Variants in WDR70 observed in about 807,000 individuals in gnomAD.
The protein encoded by WDR70 is WD repeat domain 70.
WDR70 carries 53 observed loss-of-function variants against 88.6 expected under a neutral mutation model. The ratio of observed to expected loss-of-function variants is 0.60; its 90% CI spans 0.48 to 0.75. WDR70 has a LOEUF of 0.75. Ranked by LOEUF, WDR70 falls within the 30% of genes least tolerant of loss-of-function variation. WDR70 has a pLI of 0.00. For synonymous variants in WDR70, 280 were observed against 270.0 expected (o/e 1.04, Z -0.36); for missense variants, 610 against 823.2 (o/e 0.74, Z 3.17).
intron 10 of WDR70, among the ~76,000 whole-genome samples, chr5:37,693,810 A>G (rs147775106): frequency 0.011 from 1,665 of 152,334 alleles, 16 homozygotes; most frequent in Non-Finnish European, 0.018. Flanking sequence ...GGACTTCATG[A>G]CTAAAACACC....
At chr5:37,739,722 G>T (rs1406783753) in intron 17 of WDR70, among the ~76,000 whole-genome samples, 2 of 152,048 alleles carry the variant, frequency 1.3e-5, no homozygotes, top group African/African-American at 4.8e-5. Flanking sequence ...GTATACACGT[G>T]CCATGGTGGT....
At chr5:37,465,551 T>G (rs1234478584) in intron 7 of WDR70, among the ~76,000 whole-genome samples, 1 of 152,130 alleles carries the variant, frequency 6.6e-6, no homozygotes, top group Non-Finnish European at 1.5e-5. Context: ...GTATCTGATT[T>G]GGATTTAGGA....
At chr5:37,604,382 T>C (rs4279359) in intron 9 of WDR70, among the ~76,000 whole-genome samples, 1 of 152,234 alleles carries the variant, frequency 6.6e-6, no homozygotes, top group African/African-American at 2.4e-5. Flanking sequence ...TACCTCATCT[T>C]TGTTTTTCTG....
chr5:37,424,435 T>G (rs1234566344), intron 5 of WDR70, among the ~76,000 whole-genome samples: 1 of 151,528 alleles, frequency 6.6e-6, no homozygotes, highest in Non-Finnish European at 1.5e-5. Context: ...GACAGGGTCT[T>G]GCTCTGTTGC....
intron 5 of WDR70, among the ~76,000 whole-genome samples, chr5:37,435,901 T>G (rs1256176341): frequency 2.0e-5 from 3 of 152,118 alleles, no homozygotes; most frequent in Non-Finnish European, 4.4e-5. Flanking sequence ...TACCAGCTTT[T>G]TGGTGCATAG....
At chr5:37,484,797 G>A (rs1167208761) in intron 8 of WDR70, among the ~76,000 whole-genome samples, 4 of 152,170 alleles carry the variant, frequency 2.6e-5, no homozygotes, top group Non-Finnish European at 4.4e-5. Context: ...TATGTTTTCT[G>A]TGTGTTTGTT....
At chr5:37,532,552 C>A (rs1326049564) in intron 9 of WDR70, among the ~76,000 whole-genome samples, 1 of 151,966 alleles carries the variant, frequency 6.6e-6, no homozygotes, top group Non-Finnish European at 1.5e-5. Context: ...AGTTCTATTG[C>A]TGAGACTTTC....
At chr5:37,663,907 A>G (rs1745768874) in intron 10 of WDR70, among the ~76,000 whole-genome samples, 1 of 152,102 alleles carries the variant, frequency 6.6e-6, no homozygotes, top group Non-Finnish European at 1.5e-5. Flanking sequence ...ACTGGCTCCT[A>G]GAAAATATGC....
At chr5:37,722,967 C>G in intron 15 of WDR70, 33 bp downstream of exon 15, 3 of 1,605,420 alleles carry the variant, frequency 1.9e-6, no homozygotes, top group Non-Finnish European at 2.6e-6. Flanking sequence ...AATCATGCAT[C>G]TCTCTTCTAC....
intron 10 of WDR70, among the ~76,000 whole-genome samples, chr5:37,693,402 A>G (rs1341073990): frequency 6.6e-6 from 1 of 152,226 alleles, no homozygotes; most frequent in Non-Finnish European, 1.5e-5. Flanking sequence ...CGCATTGCCA[A>G]CACAATCCTA....
chr5:37,508,118 C>A (rs534893346), intron 8 of WDR70, among the ~76,000 whole-genome samples: 1 of 152,048 alleles, frequency 6.6e-6, no homozygotes, highest in East Asian at 1.9e-4. Flanking sequence ...GTTTTTTGTA[C>A]GTACCTATTA....
At chr5:37,677,684 G>T (rs1004411545) in intron 10 of WDR70, among the ~76,000 whole-genome samples, 11 of 61,448 alleles carry the variant, frequency 1.8e-4, no homozygotes, top group South Asian at 4.3e-4. Flanking sequence ...ATAGGTGTGG[G>T]GTGGTGCTGA....
chr5:37,722,696 A>T, intron 14 of WDR70, 159 bp from the exon 15 acceptor site: 1 of 633,746 alleles, frequency 1.6e-6, no homozygotes, highest in Non-Finnish European at 2.8e-6. Context: ...AGCTTTTATC[A>T]CTGAGAGCCC....
At chr5:37,671,704 C>T (rs1358441853) in intron 10 of WDR70, among the ~76,000 whole-genome samples, 1 of 152,154 alleles carries the variant, frequency 6.6e-6, no homozygotes, top group Non-Finnish European at 1.5e-5. Flanking sequence ...TTGATAGATA[C>T]ACTAGAGTAA....
At chr5:37,692,349 C>T (rs992029693) in intron 10 of WDR70, among the ~76,000 whole-genome samples, 1 of 152,152 alleles carries the variant, frequency 6.6e-6, no homozygotes, top group African/African-American at 2.4e-5. Context: ...AAGAGGGAAT[C>T]CTCCCTAACT....
chr5:37,690,733 C>G (rs59829323), intron 10 of WDR70, among the ~76,000 whole-genome samples: 1 of 152,004 alleles, frequency 6.6e-6, no homozygotes, highest in Non-Finnish European at 1.5e-5. Flanking sequence ...AAGAAATAAC[C>G]AGTACCAGCC....
intron 10 of WDR70, among the ~76,000 whole-genome samples, chr5:37,676,911 A>C (rs561086370): frequency 5.9e-5 from 9 of 152,138 alleles, no homozygotes; most frequent in South Asian, 4.2e-4. Context: ...ACAATTTCAG[A>C]TCCTGTTATT....
intron 9 of WDR70, among the ~76,000 whole-genome samples, chr5:37,545,518 ATTTTGT>A (rs1234982649): frequency 8.0e-5 from 12 of 149,948 alleles, no homozygotes; most frequent in East Asian, 5.9e-4. Flanking sequence ...TATTTATTTA[ATTTTGT>A]TTTTGTTTTT....
chr5:37,391,008 G>A (rs962284407), intron 3 of WDR70, among the ~76,000 whole-genome samples: 2 of 152,086 alleles, frequency 1.3e-5, no homozygotes, highest in South Asian at 2.1e-4. Flanking sequence ...GAGCCACTGC[G>A]CCTGGCCAAG....
Sources: gnomAD v4.1 joint callset for allele counts (sites outside exome capture counted in the v4.1 genomes callset) on GRCh38, gnomAD v4.1.1 for gene constraint, MANE v1.5 for transcripts, NCBI Gene and HGNC (gene_info 2026-07-23, HGNC 2026-07-21) for gene names.